FAM120C: variants seen among roughly 807,000 people sequenced by gnomAD.
The protein encoded by FAM120C is constitutive coactivator of PPAR-gamma-like protein 2.
FAM120C carries 14 observed loss-of-function variants against 71.2 expected under a neutral mutation model. That is an observed-to-expected ratio of 0.20 (90% CI 0.13 to 0.31). The LOEUF is 0.31. Among genes scored for constraint, FAM120C ranks in the 10% least tolerant of loss-of-function variants. The pLI is 1.00. For synonymous variants in FAM120C, 354 were observed against 353.2 expected (o/e 1.00, Z -0.03); for missense variants, 500 against 879.0 (o/e 0.57, Z 5.45).
At chrX:54,157,285 C>T (rs1233224978) in intron 3 of FAM120C, among the ~76,000 whole-genome samples, 2 of 110,229 alleles carry the variant, frequency 1.8e-5, no homozygotes, top group South Asian at 3.8e-4. Flanking sequence ...GATGGAGTCT[C>T]GTTTTGTTGC....
chrX:54,144,174 A>C (rs1481284498), intron 4 of FAM120C, among the ~76,000 whole-genome samples: 1 of 111,673 alleles, frequency 9.0e-6, no homozygotes, highest in African/African-American at 3.3e-5. Flanking sequence ...TCAAAATAAT[A>C]AGAGCTATTT....
At chrX:54,179,830 T>C (rs1327772392) in intron 1 of FAM120C, among the ~76,000 whole-genome samples, 1 of 112,022 alleles carries the variant, frequency 8.9e-6, no homozygotes, top group Non-Finnish European at 1.9e-5. Flanking sequence ...GTTTATAATC[T>C]AGCACAGGGA....
At chrX:54,117,724 T>C (rs1225723780) in intron 9 of FAM120C, among the ~76,000 whole-genome samples, 3 of 109,363 alleles carry the variant, frequency 2.7e-5, no homozygotes, top group African/African-American at 6.7e-5. Flanking sequence ...AAACAAAAAG[T>C]AACTTGGAGA....
At chrX:54,135,402 G>A in intron 6 of FAM120C, 126 bp downstream of exon 6, 2 of 605,415 alleles carry the variant, frequency 3.3e-6, no homozygotes, top group Non-Finnish European at 5.1e-6. Context: ...CTTAAGTTGA[G>A]AAGGTAATAT....
rs909747304 is a variant in FAM120C at position 54,183,220 on chromosome X, G to A, written c.-22C>T. On this transcript the variant is annotated 5_prime_UTR_variant, in exon 1 of 16. Coordinates refer to ENST00000375180, the MANE Select transcript of FAM120C (RefSeq NM_017848.6). Reference sequence around the variant, plus strand: ...CCATGCTTCGTCGGTGGGCAGACGCGATAGCGGCTGCGCAAGCAGGATAGG... The same window carrying A: ...CCATGCTTCGTCGGTGGGCAGACGCAATAGCGGCTGCGCAAGCAGGATAGG... 2 of 1,021,706 alleles carry A rather than the reference G, an allele frequency of 2.0e-6. No homozygotes were observed. Among genetic ancestry groups the A allele is most frequent in the Non-Finnish European group, 2.5e-6 (2 of 793,851 alleles). The allele number at this position is 1,021,706 out of a possible 1,213,427, so 84.2% of individuals were successfully genotyped here. A position where few individuals can be genotyped will look rare whatever the true frequency, so the allele number is the denominator to read the frequency against.
At chrX:54,075,312 G>A (rs1314450100) in intron 15 of FAM120C, among the ~76,000 whole-genome samples, 1 of 112,010 alleles carries the variant, frequency 8.9e-6, no homozygotes, top group African/African-American at 3.2e-5. Flanking sequence ...CACAGAACTA[G>A]TAAGTAGCAG....
At chrX:54,144,373 T>C (rs1341983530) in intron 4 of FAM120C, among the ~76,000 whole-genome samples, 37 of 111,903 alleles carry the variant, frequency 3.3e-4, no homozygotes, top group Non-Finnish European at 3.4e-4. Context: ...GGGAGTCAAA[T>C]TGTCCCTGTT....
At position 54,090,239 on chromosome X, in the gene FAM120C, C is replaced by CTTT. The variant is rs201924234; in HGVS notation, c.2427+1070_2427+1072dup. Among the ~76,000 whole-genome samples the CTTT allele has an allele frequency of 6.4e-3, 649 of 100,651 alleles. 2 individuals carry two copies. Among genetic ancestry groups the CTTT allele is most frequent in the African/African-American group, 0.018 (503 of 27,676 alleles). 87.4% of individuals were successfully genotyped at this position (100,651 alleles called of 115,157 possible). A position where few individuals can be genotyped will look rare whatever the true frequency, so the allele number is the denominator to read the frequency against. ...AGAAAGAGCCCAGCACCTTGCCCTTCTTTTTTTTTGAGACAGAGTTTCACT... is the reference window on the plus strand; with the variant it reads ...AGAAAGAGCCCAGCACCTTGCCCTTCTTTTTTTTTTTTGAGACAGAGTTTCACT... On this transcript the variant is annotated intron_variant, in intron 11 of 15. Coordinates refer to ENST00000375180, the MANE Select transcript of FAM120C (RefSeq NM_017848.6).
At chrX:54,093,034 C>T (rs782083590) in intron 10 of FAM120C, among the ~76,000 whole-genome samples, 17 of 111,870 alleles carry the variant, frequency 1.5e-4, no homozygotes, top group African/African-American at 5.2e-4. Flanking sequence ...ATGTCAGTTC[C>T]CATGAGGTCT....
At chrX:54,163,938 ATT>A (rs1211661910) in intron 1 of FAM120C, among the ~76,000 whole-genome samples, 2 of 99,645 alleles carry the variant, frequency 2.0e-5, no homozygotes. Context: ...ATATATATAT[ATT>A]TTTTTTTTTT....
chrX:54,079,211 G>A (rs1370340017), intron 15 of FAM120C, among the ~76,000 whole-genome samples: 5 of 102,119 alleles, frequency 4.9e-5, no homozygotes, highest in Admixed American at 1.1e-4. Context: ...CCAGTGAGCC[G>A]AGATCGCGCC....
intron 9 of FAM120C, among the ~76,000 whole-genome samples, chrX:54,132,175 C>T (rs1159399271): frequency 9.0e-6 from 1 of 110,544 alleles, no homozygotes; most frequent in Admixed American, 9.7e-5. Flanking sequence ...CCCATCTCAG[C>T]CCCCCAAGTA....
chrX:54,108,584 T>C (rs1807373423), intron 10 of FAM120C, among the ~76,000 whole-genome samples: 1 of 111,284 alleles, frequency 9.0e-6, no homozygotes, highest in Admixed American at 9.6e-5. Flanking sequence ...AGGACCCTAA[T>C]GGGCAGTGAA....
At chrX:54,079,526 C>T (rs782316123) in intron 15 of FAM120C, among the ~76,000 whole-genome samples, 37 of 111,949 alleles carry the variant, frequency 3.3e-4, no homozygotes, top group African/African-American at 1.0e-3. Context: ...AGGCCGGTTG[C>T]GGTGGCTCAC....
chrX:54,125,166 GCCA>G (rs1208826917), intron 9 of FAM120C, among the ~76,000 whole-genome samples: 1 of 102,823 alleles, frequency 9.7e-6, no homozygotes, highest in Non-Finnish European at 2.0e-5. Context: ...CGGAGATTGT[GCCA>G]CTGCACTCCA....
chrX:54,144,720 T>A (rs1223187946), intron 4 of FAM120C, among the ~76,000 whole-genome samples: 1 of 112,047 alleles, frequency 8.9e-6, no homozygotes, highest in Non-Finnish European at 1.9e-5. Context: ...GAATCAATAT[T>A]GTGAAAATGG....
intron 9 of FAM120C, among the ~76,000 whole-genome samples, chrX:54,129,388 C>A (rs1257930308): frequency 5.6e-5 from 6 of 106,268 alleles, no homozygotes; most frequent in Admixed American, 4.0e-4. Flanking sequence ...GACGGGGCGG[C>A]GGGGCAGAGG....
intron 10 of FAM120C, among the ~76,000 whole-genome samples, chrX:54,096,284 G>A (rs1394132095): frequency 9.1e-6 from 1 of 110,454 alleles, no homozygotes; most frequent in Non-Finnish European, 1.9e-5. Flanking sequence ...GGTGGCGTGC[G>A]CCTGTAGTCC....
In FAM120C at chrX:54,159,397, T is replaced by C; in HGVS notation, c.919A>G (p.Asn307Asp). ...VAKQLGLKRM[N>D]FPIFAALLGN... ...AGCAGTGCAGCAAATATGGGGAAAT[T>C]CATCCTCTTCAGGCCCAGCTGCTTG... The change falls in exon 2 of 16, where the codon AAT (asparagine) becomes GAT (aspartate). Residue 307 changes from asparagine (N) to aspartate (D), a missense_variant. Transcript: ENST00000375180. 8.3e-7 allele frequency: 1 copy of C among 1,211,560 alleles called. No individual in the cohort carries two copies. Among genetic ancestry groups the C allele is most frequent in the Non-Finnish European group, 1.1e-6 (1 of 895,466 alleles).
Sources: allele counts gnomAD v4.1 joint callset (sites outside exome capture counted in the v4.1 genomes callset), GRCh38; gene constraint gnomAD v4.1.1; transcripts MANE v1.5; gene names NCBI Gene and HGNC (gene_info 2026-07-23, HGNC 2026-07-21).